The following SLC9C2 variants were observed in gnomAD, a reference collection of about 807,000 sequenced individuals.
The protein encoded by SLC9C2 is solute carrier family 9 member C2 (putative), also known as sodium/hydrogen exchanger 11.
A neutral mutation model predicts 140.2 loss-of-function variants in SLC9C2; 75 were observed. The observed-to-expected ratio is 0.53, with a 90% CI of 0.44 to 0.65. The LOEUF is 0.65. Among genes scored for constraint, SLC9C2 ranks in the 30% least tolerant of loss-of-function variants. The probability of loss-of-function intolerance (pLI) is 0.00; values close to 1 mark genes in which losing one functional copy is unlikely to be tolerated. For missense variants in SLC9C2, 1,074 were observed against 1,331.8 expected (o/e 0.81, Z 3.01); for synonymous variants, 375 against 420.9 (o/e 0.89, Z 1.34).
At chr1:173,572,928 G>C (rs1427443829) in intron 9 of SLC9C2, among the ~76,000 whole-genome samples, 2 of 152,206 alleles carry the variant, frequency 1.3e-5, no homozygotes, top group Admixed American at 1.3e-4. Flanking sequence ...TCAGTAGGTT[G>C]AGATGGGCTC....
Position 173,524,928 on chromosome 1 carries a change from C to G in SLC9C2, c.2366-1G>C. On this transcript the variant is annotated splice_acceptor_variant, in intron 19 of 27. Transcript: ENST00000367714. LOFTEE classifies it high-confidence loss of function. Reference sequence around the variant, plus strand: ...TCACGACCCTCATGCTCCATGAGTACTACAGCAAAGAAAATAAAATTCAGT... The same window carrying G: ...TCACGACCCTCATGCTCCATGAGTAGTACAGCAAAGAAAATAAAATTCAGT... The G allele has an allele frequency of 6.2e-7, 1 of 1,612,896 alleles. No homozygotes were observed. Among genetic ancestry groups the G allele is most frequent in the Non-Finnish European group, 8.5e-7 (1 of 1,179,416 alleles).
At chr1:173,558,147 GA>G (rs796795155) in intron 9 of SLC9C2, among the ~76,000 whole-genome samples, 9 of 152,244 alleles carry the variant, frequency 5.9e-5, no homozygotes, top group African/African-American at 2.2e-4. Flanking sequence ...CAGCGAAAGT[GA>G]AAACAGATGT....
chr1:173,581,225 A>T (rs1433116970), intron 7 of SLC9C2, among the ~76,000 whole-genome samples: 1 of 152,216 alleles, frequency 6.6e-6, no homozygotes, highest in Non-Finnish European at 1.5e-5. Context: ...GGCCACAGTT[A>T]CTACGTCTCT....
At chr1:173,545,612 C>T (rs540668068) in intron 13 of SLC9C2, among the ~76,000 whole-genome samples, 1 of 152,210 alleles carries the variant, frequency 6.6e-6, no homozygotes, top group African/African-American at 2.4e-5. Context: ...GAGAGGCAAC[C>T]AAGGAGCCTC....
chr1:173,589,949 A>G (rs1475462522), intron 4 of SLC9C2, among the ~76,000 whole-genome samples: 13 of 152,160 alleles, frequency 8.5e-5, no homozygotes, highest in Non-Finnish European at 1.8e-4. Context: ...GAATTTAAGA[A>G]TGAAATAACA....
intron 9 of SLC9C2, among the ~76,000 whole-genome samples, chr1:173,566,652 A>T (rs1664491962): frequency 6.7e-6 from 1 of 149,150 alleles, no homozygotes; most frequent in African/African-American, 2.5e-5. Context: ...TATATTTCCT[A>T]TTTTTTTCAT....
intron 10 of SLC9C2, among the ~76,000 whole-genome samples, chr1:173,556,901 C>T (rs1663744729): frequency 6.7e-6 from 1 of 149,344 alleles, no homozygotes; most frequent in South Asian, 2.1e-4. Context: ...GCACTCCAGC[C>T]TGGGTGACAG....
At chr1:173,601,530 C>G in intron 2 of SLC9C2, 120 bp downstream of exon 2, 2 of 1,090,802 alleles carry the variant, frequency 1.8e-6, no homozygotes, top group South Asian at 3.2e-5. Flanking sequence ...ACAGTATTCA[C>G]TCATGTCTTA....
chr1:173,570,099 G>A (rs1009694350), intron 9 of SLC9C2, among the ~76,000 whole-genome samples: 6 of 152,088 alleles, frequency 3.9e-5, no homozygotes, highest in Admixed American at 3.9e-4. Flanking sequence ...GTTCAAGAAT[G>A]CCTAGGCCTG....
At chr1:173,600,008 T>C in intron 3 of SLC9C2, 109 bp downstream of exon 3, 1 of 635,210 alleles carries the variant, frequency 1.6e-6, no homozygotes, top group Non-Finnish European at 2.6e-6. Flanking sequence ...ATTTTTTGAG[T>C]AGCTGTTCCC....
At chr1:173,535,723 C>T (rs1661901821) in intron 15 of SLC9C2, 107 bp downstream of exon 15, 2 of 1,286,252 alleles carry the variant, frequency 1.6e-6, no homozygotes, top group Admixed American at 3.0e-5. Context: ...GAAAATAAAC[C>T]ATAATATAGT....
intron 5 of SLC9C2, among the ~76,000 whole-genome samples, chr1:173,585,926 C>G (rs755869275): frequency 2.6e-5 from 4 of 151,900 alleles, no homozygotes; most frequent in Non-Finnish European, 5.9e-5. Context: ...CAAGATCATG[C>G]CATTGCACTC....
In SLC9C2 at chr1:173,583,535, C is replaced by T. The variant is rs1665677168; in HGVS notation, c.611G>A (p.Gly204Asp). The T allele has an allele frequency of 1.2e-6, 2 of 1,608,968 alleles. No individual in the cohort carries two copies. The highest frequency in any genetic ancestry group is 8.5e-7 in the Non-Finnish European group (1 of 1,176,910). Residue 204 changes from glycine to aspartate, a missense_variant, in exon 6 of 28, where the codon GGC (glycine) becomes GAC (aspartate). Transcript: ENST00000367714. ...IASIFFGNFR[G>D]NRIHFSIFRD... ...AAAAATAGAAAAGTGGATTCTGTTG[C>T]CCCGAAAATTTCCAAAAAAAATTGA... is the stretch of plus-strand genomic sequence containing the variant.
intron 9 of SLC9C2, among the ~76,000 whole-genome samples, chr1:173,567,459 G>T (rs1349691930): frequency 6.6e-6 from 1 of 151,940 alleles, no homozygotes; most frequent in Non-Finnish European, 1.5e-5. Flanking sequence ...AATGTATTTT[G>T]TCTGAAGTAT....
intron 17 of SLC9C2, among the ~76,000 whole-genome samples, chr1:173,530,963 G>T (rs1303753821): frequency 1.3e-5 from 2 of 152,152 alleles, no homozygotes; most frequent in Non-Finnish European, 2.9e-5. Flanking sequence ...TGTTTAAAGA[G>T]GATTTTTTCA....
intron 1 of SLC9C2, among the ~76,000 whole-genome samples, chr1:173,602,279 TC>T (rs1380447855): frequency 1.3e-5 from 2 of 152,004 alleles, no homozygotes; most frequent in African/African-American, 4.8e-5. Context: ...AATGTTATGC[TC>T]CCCCTTCTCT....
At chr1:173,590,970 G>C (rs1289722768) in intron 4 of SLC9C2, among the ~76,000 whole-genome samples, 6 of 152,108 alleles carry the variant, frequency 3.9e-5, no homozygotes, top group African/African-American at 1.4e-4. Context: ...TGTGTCATGG[G>C]GGTTTGTTGT....
chr1:173,508,167 T>TA (rs541864292), intron 24 of SLC9C2, among the ~76,000 whole-genome samples: 218 of 150,640 alleles, frequency 1.4e-3, no homozygotes, highest in Non-Finnish European at 2.8e-3. Flanking sequence ...CCAGAAAATC[T>TA]AAAAAAAAAT....
chr1:173,524,931 C>G lies in SLC9C2; in HGVS notation c.2366-4G>C. The G allele has an allele frequency of 6.2e-7, 1 of 1,612,766 alleles. No homozygotes were observed. Among genetic ancestry groups the G allele is most frequent in the Non-Finnish European group, 8.5e-7 (1 of 1,179,324 alleles). ...CGACCCTCATGCTCCATGAGTACTACAGCAAAGAAAATAAAATTCAGTAAG... is the reference window on the plus strand; with the variant it reads ...CGACCCTCATGCTCCATGAGTACTAGAGCAAAGAAAATAAAATTCAGTAAG... On this transcript the variant is annotated splice_region_variant and splice_polypyrimidine_tract_variant and intron_variant, in intron 19 of 27. Transcript: ENST00000367714.
Sources: gnomAD v4.1 joint callset for allele counts (sites outside exome capture counted in the v4.1 genomes callset) on GRCh38, gnomAD v4.1.1 for gene constraint, MANE v1.5 for transcripts, NCBI Gene and HGNC (gene_info 2026-07-23, HGNC 2026-07-21) for gene names.